The following ITPR1 variants were observed in gnomAD, a reference collection of about 807,000 sequenced individuals.
The protein encoded by ITPR1 is inositol 1,4,5-trisphosphate receptor type 1.
ITPR1 carries 96 observed loss-of-function variants against 318.4 expected under a neutral mutation model. The ratio of observed to expected loss-of-function variants is 0.30; its 90% CI spans 0.26 to 0.36. The LOEUF (loss-of-function observed/expected upper bound fraction) is 0.36. Ranked by LOEUF, ITPR1 falls within the 10% of genes least tolerant of loss-of-function variation. The pLI is 1.00. For synonymous variants in ITPR1, 1,312 were observed against 1,289.9 expected (o/e 1.02, Z -0.37); for missense variants, 2,440 against 3,460.2 (o/e 0.71, Z 7.40).
chr3:4,611,608 C>G (rs11714914), intron 4 of ITPR1, among the ~76,000 whole-genome samples: 22,622 of 137,612 alleles, frequency 0.16, 1,785 homozygotes, highest in African/African-American at 0.22. Flanking sequence ...TAGCAGGTGT[C>G]GTGGCATGTG....
At chr3:4,591,840 G>C in intron 4 of ITPR1, among the ~76,000 whole-genome samples, 1 of 152,114 alleles carries the variant, frequency 6.6e-6, no homozygotes. Flanking sequence ...CTTCAACGTG[G>C]CTGATTTTTT....
In ITPR1 at chr3:4,735,208, C is replaced by G; in HGVS notation, c.5398C>G (p.Leu1800Val). Residue 1800 changes from leucine to valine, a missense_variant, in exon 44 of 62, where the codon CTG (leucine) becomes GTG (valine). Around this residue, in one of 23 missense-constraint regions of ITPR1, gnomAD observed 166 missense variants for 143.7 expected, o/e 1.16. Coordinates refer to ENST00000649015, the MANE Select transcript of ITPR1 (RefSeq NM_001378452.1). ...CTCTATGAGCAGGGGTGAGATGAGT[C>G]TGGCCGAGGTTCAGTGTCACCTTGA... Reference protein sequence around the residue: ...SSSMSRGEMSLAEVQCHLDKE... With the variant: ...SSSMSRGEMSVAEVQCHLDKE... 6.2e-7 allele frequency: 1 copy of G among 1,613,990 alleles called. No homozygotes were observed. Among genetic ancestry groups the G allele is most frequent in the Non-Finnish European group, 8.5e-7 (1 of 1,179,878 alleles).
intron 4 of ITPR1, among the ~76,000 whole-genome samples, chr3:4,564,480 A>G (rs1411806022): frequency 6.6e-6 from 1 of 152,176 alleles, no homozygotes; most frequent in Non-Finnish European, 1.5e-5. Context: ...ACTAATGACA[A>G]CTGTAATGAA....
chr3:4,708,651 TTC>T (rs1553704777), intron 37 of ITPR1, among the ~76,000 whole-genome samples: 1 of 152,166 alleles, frequency 6.6e-6, no homozygotes, highest in Non-Finnish European at 1.5e-5. Flanking sequence ...TCTTGTGCTC[TTC>T]TTAGATTTAT....
intron 5 of ITPR1, 85 bp downstream of exon 5, chr3:4,627,963 A>G: frequency 1.3e-6 from 1 of 768,292 alleles, no homozygotes; most frequent in Non-Finnish European, 2.1e-6. Flanking sequence ...GAGACTGCTT[A>G]TGCAACCCTC....
chr3:4,831,110 C>T (rs2050456105), intron 60 of ITPR1: 2 of 210,190 alleles, frequency 9.5e-6, no homozygotes, highest in South Asian at 6.8e-5. Context: ...GTCTTTGTCT[C>T]TCTCTCTCTC....
chr3:4,694,979 G>C (rs1415248238), intron 33 of ITPR1, among the ~76,000 whole-genome samples: 1 of 152,022 alleles, frequency 6.6e-6, no homozygotes, highest in Admixed American at 6.6e-5. Flanking sequence ...CCCCCTTTTT[G>C]TAAATGCAGA....
At chr3:4,662,996 T>G in intron 15 of ITPR1, 69 bp from the exon 16 acceptor site, 1 of 1,473,690 alleles carries the variant, frequency 6.8e-7, no homozygotes, top group Non-Finnish European at 9.4e-7. Flanking sequence ...CCAGAAGGCT[T>G]CCAAGGCAAA....
intron 4 of ITPR1, among the ~76,000 whole-genome samples, chr3:4,528,605 T>C (rs2083168261): frequency 6.6e-6 from 1 of 152,208 alleles, no homozygotes; most frequent in Non-Finnish European, 1.5e-5. Flanking sequence ...AGGGCCTAAC[T>C]TAAATTTTGT....
At chr3:4,774,335 C>T (rs1215641306) in intron 46 of ITPR1, among the ~76,000 whole-genome samples, 2 of 152,196 alleles carry the variant, frequency 1.3e-5, no homozygotes, top group African/African-American at 4.8e-5. Context: ...CTATAGTGGA[C>T]ATCCAATACA....
intron 2 of ITPR1, among the ~76,000 whole-genome samples, chr3:4,503,037 A>T (rs1404945043): frequency 6.6e-6 from 1 of 151,866 alleles, no homozygotes; most frequent in Non-Finnish European, 1.5e-5. Context: ...GTGAGCTGAG[A>T]TCGCACCACT....
intron 4 of ITPR1, among the ~76,000 whole-genome samples, chr3:4,581,731 T>A (rs950099318): frequency 6.6e-6 from 1 of 152,180 alleles, no homozygotes; most frequent in Non-Finnish European, 1.5e-5. Context: ...AACTAAATAG[T>A]GTACGGCAGG....
At chr3:4,719,500 C>T (rs531098427) in intron 40 of ITPR1, among the ~76,000 whole-genome samples, 26 of 152,326 alleles carry the variant, frequency 1.7e-4, no homozygotes, top group African/African-American at 5.5e-4. Context: ...AATGAGAATT[C>T]GTGCTGGCCC....
intron 2 of ITPR1, among the ~76,000 whole-genome samples, chr3:4,500,853 CT>C (rs1443653717): frequency 1.3e-5 from 2 of 151,916 alleles, no homozygotes; most frequent in Non-Finnish European, 2.9e-5. Flanking sequence ...CCTTGATGAA[CT>C]TTTTATTTTT....
chr3:4,825,692 A>C (rs1575392986), intron 60 of ITPR1: 1 of 455,966 alleles, frequency 2.2e-6, no homozygotes, highest in East Asian at 6.9e-5. Flanking sequence ...ATGGAAACTT[A>C]ATACCTGCGT....
chr3:4,730,949 C>G (rs1037344877), intron 42 of ITPR1, among the ~76,000 whole-genome samples: 1 of 152,194 alleles, frequency 6.6e-6, no homozygotes, highest in African/African-American at 2.4e-5. Flanking sequence ...AAACAATGTT[C>G]TCACAGTGCC....
intron 4 of ITPR1, among the ~76,000 whole-genome samples, chr3:4,588,868 G>A (rs992438604): frequency 1.3e-5 from 2 of 152,010 alleles, no homozygotes; most frequent in Non-Finnish European, 2.9e-5. Context: ...TCCCTCACAC[G>A]TCACATCTTA....
chr3:4,698,234 G>A (rs2094589927), intron 34 of ITPR1, among the ~76,000 whole-genome samples: 1 of 152,134 alleles, frequency 6.6e-6, no homozygotes, highest in Non-Finnish European at 1.5e-5. Context: ...TGTGAAAAAG[G>A]TGCACTGTAG....
chr3:4,585,657 G>A (rs532745331), intron 4 of ITPR1, among the ~76,000 whole-genome samples: 8 of 151,956 alleles, frequency 5.3e-5, no homozygotes, highest in South Asian at 4.2e-4. Flanking sequence ...GGCTGGTCTC[G>A]AACTCCTGAC....
Sources: gnomAD v4.1 joint callset for allele counts (sites outside exome capture counted in the v4.1 genomes callset) on GRCh38, gnomAD v4.1.1 for gene constraint, gnomAD v4.1.1 regional missense constraint, MANE v1.5 for transcripts, NCBI Gene and HGNC (gene_info 2026-07-23, HGNC 2026-07-21) for gene names.